The following SLC35E3 variants were observed in gnomAD, a reference collection of about 807,000 sequenced individuals.
SLC35E3 encodes solute carrier family 35 member E3.
A neutral mutation model predicts 30.8 loss-of-function variants in SLC35E3; 28 were observed. The observed-to-expected ratio is 0.91, with a 90% CI of 0.67 to 1.25. The LOEUF (loss-of-function observed/expected upper bound fraction) is 1.25, where lower values mean the gene tolerates loss of function less well. SLC35E3 is among the 50% of genes most tolerant of loss of function. The pLI, the probability that SLC35E3 is intolerant of heterozygous loss-of-function variation, is 0.00. For missense variants in SLC35E3, 365 were observed against 375.4 expected, an observed-to-expected ratio of 0.97 and a Z score of 0.23; for synonymous variants, 146 against 149.2, an observed-to-expected ratio of 0.98 and a Z score of 0.16.
chr12:68,759,864 A>G (rs191647675), intron 4 of SLC35E3, among the ~76,000 whole-genome samples: 76 of 152,340 alleles, frequency 5.0e-4, no homozygotes, highest in African/African-American at 1.7e-3. Context: ...TTTTGAATGA[A>G]TAGTGAGGTG....
At chr12:68,751,177 C>T (rs772323083) in intron 2 of SLC35E3, among the ~76,000 whole-genome samples, 1 of 152,042 alleles carries the variant, frequency 6.6e-6, no homozygotes, top group Non-Finnish European at 1.5e-5. Context: ...TCTCTTCTAC[C>T]ATTGATTGGG....
Position 68,746,688 on chromosome 12 carries a change from A to G in SLC35E3, c.311A>G (p.Gln104Arg). The G allele has an allele frequency of 6.2e-7, 1 of 1,614,212 alleles. No homozygotes were observed. Among genetic ancestry groups the G allele is most frequent in the Non-Finnish European group, 8.5e-7 (1 of 1,180,014 alleles). ...SLQNNTIGTY[Q>R]LAKAMTTPVI... Reference sequence around the variant, plus strand: ...CAGAACAACACCATAGGCACCTATCAGCTGGCCAAGGCCATGACCACGCCG... The same window carrying G: ...CAGAACAACACCATAGGCACCTATCGGCTGGCCAAGGCCATGACCACGCCG... The change falls in exon 1 of 5, where the codon CAG (glutamine) becomes CGG (arginine). Residue 104 changes from glutamine to arginine, a missense_variant. Coordinates refer to ENST00000398004, the MANE Select transcript of SLC35E3 (RefSeq NM_018656.5).
chr12:68,746,791 C>T lies in SLC35E3; in HGVS notation c.402+12C>T, dbSNP rs1204425943. On this transcript the variant is annotated intron_variant, in intron 1 of 4. Transcript: ENST00000398004. ...TCCAGCTCACGCTGGTGAGTAGCTT[C>T]AGCTTCCCAAGGCGCCGCTCTCCCG... is the stretch of plus-strand genomic sequence containing the variant. 8 of 1,551,634 alleles carry T rather than the reference C, an allele frequency of 5.2e-6. No individual in the cohort carries two copies. The highest frequency in any genetic ancestry group is 7.0e-6 in the Non-Finnish European group (8 of 1,147,658).
intron 3 of SLC35E3, among the ~76,000 whole-genome samples, chr12:68,757,001 T>C (rs148707843): frequency 0.029 from 4,377 of 152,162 alleles, 199 homozygotes; most frequent in African/African-American, 0.096. Flanking sequence ...GGCGACAGAG[T>C]GAGACTCCAA....
chr12:68,754,680 G>T (rs530313549), intron 3 of SLC35E3, among the ~76,000 whole-genome samples: 5 of 152,112 alleles, frequency 3.3e-5, no homozygotes, highest in African/African-American at 1.2e-4. Flanking sequence ...TACATCATGT[G>T]TTCTCATGTA....
At chr12:68,759,105 A>T in intron 3 of SLC35E3, 52 bp from the exon 4 acceptor site, 1 of 1,179,762 alleles carries the variant, frequency 8.5e-7, no homozygotes, top group South Asian at 1.3e-5. Context: ...TCTTTGCTTG[A>T]TGATTATGAT....
intron 4 of SLC35E3, among the ~76,000 whole-genome samples, chr12:68,762,057 C>T (rs1377966464): frequency 6.6e-6 from 1 of 151,940 alleles, no homozygotes; most frequent in Non-Finnish European, 1.5e-5. Flanking sequence ...AACTGTTGGG[C>T]TCAAGCATTC....
chr12:68,765,991 C>T lies in SLC35E3; in HGVS notation c.*1101C>T, dbSNP rs904839982. On this transcript the variant is annotated 3_prime_UTR_variant, in exon 5 of 5. Transcript: ENST00000398004. ...AAATCAGAATTTAAATCTAGTGTTT[C>T]TATTTTAGTTTAGCTTCCTGATTTA... 6.7e-6 allele frequency: 1 copy of T among 150,312 alleles called. No homozygotes were observed. The highest frequency in any genetic ancestry group is 2.5e-5 in the African/African-American group (1 of 40,764). 9.3% of individuals were successfully genotyped at this position (150,312 alleles called of 1,614,324 possible).
At chr12:68,754,688 G>A (rs1020427434) in intron 3 of SLC35E3, among the ~76,000 whole-genome samples, 4 of 151,978 alleles carry the variant, frequency 2.6e-5, no homozygotes, top group Admixed American at 2.6e-4. Flanking sequence ...GTGTTCTCAT[G>A]TACTGATAAC....
chr12:68,746,712 C>T lies in SLC35E3; in HGVS notation c.335C>T (p.Pro112Leu). 1 of 1,613,866 alleles carries T rather than the reference C, an allele frequency of 6.2e-7. No homozygotes were observed. The highest frequency in any genetic ancestry group is 8.5e-7 in the Non-Finnish European group (1 of 1,179,760). Residue 112 changes from proline (P) to leucine (L), a missense_variant, in exon 1 of 5, where the codon CCG (proline) becomes CTG (leucine). Transcript: ENST00000398004. ...CAGCTGGCCAAGGCCATGACCACGC[C>T]GGTGATCATAGCCATCCAGACCTTC... ...TYQLAKAMTT[P>L]VIIAIQTFCY...
chr12:68,762,962 G>T (rs1879274287), intron 4 of SLC35E3, among the ~76,000 whole-genome samples: 1 of 152,186 alleles, frequency 6.6e-6, no homozygotes, highest in South Asian at 2.1e-4. Context: ...ACTCTCTGTG[G>T]GCCTGACTAG....
In SLC35E3 at chr12:68,770,030, C is replaced by T. The variant is rs1031316653; in HGVS notation, c.*5140C>T. The T allele has an allele frequency of 1.3e-5, 2 of 152,178 alleles. No individual in the cohort carries two copies. The highest frequency in any genetic ancestry group is 4.8e-5 in the African/African-American group (2 of 41,436). 9.4% of individuals were successfully genotyped at this position (152,178 alleles called of 1,614,324 possible). On this transcript the variant is annotated 3_prime_UTR_variant, in exon 5 of 5. Transcript: ENST00000398004. Reference sequence around the variant, plus strand: ...AAAAGAATCTGGCCCAGGCTTGGCACTTGTGGAGGGAGTCCATGAGGAAAG... The same window carrying T: ...AAAAGAATCTGGCCCAGGCTTGGCATTTGTGGAGGGAGTCCATGAGGAAAG...
chr12:68,748,607 C>T (rs1407931049), intron 2 of SLC35E3, among the ~76,000 whole-genome samples: 1 of 151,910 alleles, frequency 6.6e-6, no homozygotes, highest in Admixed American at 6.5e-5. Context: ...AGTGCCTTGC[C>T]TATAGCAGAT....
intron 2 of SLC35E3, among the ~76,000 whole-genome samples, chr12:68,751,356 G>A (rs1486899050): frequency 6.6e-6 from 1 of 150,422 alleles, no homozygotes; most frequent in Non-Finnish European, 1.5e-5. Flanking sequence ...GGAGTGCAGT[G>A]GCGCGATCTC....
At chr12:68,758,091 C>CAA (rs200316416) in intron 3 of SLC35E3, among the ~76,000 whole-genome samples, 7 of 121,354 alleles carry the variant, frequency 5.8e-5, no homozygotes, top group African/African-American at 1.8e-4. Flanking sequence ...GACTCCATCT[C>CAA]AAAAAAAAAA....
chr12:68,765,590 C>T lies in SLC35E3; in HGVS notation c.*700C>T. The T allele has an allele frequency of 6.7e-6, 1 of 148,778 alleles. No homozygotes were observed. Among genetic ancestry groups the T allele is most frequent in the Middle Eastern group, 3.5e-3 (1 of 288 alleles). 9.2% of individuals were successfully genotyped at this position (148,778 alleles called of 1,614,324 possible). ...CGACAGAGCAAGACACTGTCTCTCTCTCTCTCTCCATATATATATGTGTGT... is the reference window on the plus strand; with the variant it reads ...CGACAGAGCAAGACACTGTCTCTCTTTCTCTCTCCATATATATATGTGTGT... On this transcript the variant is annotated 3_prime_UTR_variant, in exon 5 of 5. Transcript: ENST00000398004.
chr12:68,779,531 G>A lies in SLC35E3; in HGVS notation c.*14641G>A, dbSNP rs1879829897. ...GACCCAAAATATGTGGCTGGAACCA[G>A]AAAGGATATAAGCATGGTTTGAGAA... On this transcript the variant is annotated 3_prime_UTR_variant, in exon 5 of 5. Coordinates refer to ENST00000398004, the MANE Select transcript of SLC35E3 (RefSeq NM_018656.5). The A allele has an allele frequency of 6.6e-6, 1 of 152,146 alleles. No individual in the cohort carries two copies. The highest frequency in any genetic ancestry group is 2.1e-4 in the South Asian group (1 of 4,828). 9.4% of individuals were successfully genotyped at this position (152,146 alleles called of 1,614,324 possible).
rs1329300779 is a variant in SLC35E3 at position 68,774,808 on chromosome 12, A to T, written c.*9918A>T. The T allele has an allele frequency of 7.8e-6, 1 of 128,784 alleles. No homozygotes were observed. The highest frequency in any genetic ancestry group is 3.0e-5 in the African/African-American group (1 of 33,364). 8.0% of individuals were successfully genotyped at this position (128,784 alleles called of 1,614,324 possible). On this transcript the variant is annotated 3_prime_UTR_variant, in exon 5 of 5. Coordinates refer to ENST00000398004, the MANE Select transcript of SLC35E3 (RefSeq NM_018656.5). ...TGAGCAGCTAAAACAATGCCGTTAG[A>T]TGCCCTATCTCTTAAAAAAAAAAAA...
intron 2 of SLC35E3, 135 bp downstream of exon 2, chr12:68,748,175 A>C (rs1878667503): frequency 1.7e-6 from 1 of 575,720 alleles, no homozygotes; most frequent in South Asian, 2.4e-5. Context: ...AAGTTGTCTG[A>C]CTCAAGGTGA....
Sources: allele counts gnomAD v4.1 joint callset (sites outside exome capture counted in the v4.1 genomes callset), GRCh38; gene constraint gnomAD v4.1.1; transcripts MANE v1.5; gene names NCBI Gene and HGNC (gene_info 2026-07-23, HGNC 2026-07-21).